The following TRIQK variants were observed in gnomAD, a reference collection of about 807,000 sequenced individuals.
TRIQK encodes triple QxxK/R motif containing.
In TRIQK, 10 loss-of-function variants were observed where a neutral mutation model predicts 10.8. That is an observed-to-expected ratio of 0.92 (90% confidence interval 0.57 to 1.57). TRIQK has a LOEUF of 1.57. TRIQK is among the 40% of genes most tolerant of loss of function. The pLI is 0.00. For missense variants in TRIQK, 107 were observed against 97.7 expected (o/e 1.09, Z -0.40); for synonymous variants, 33 against 33.7 (o/e 0.98, Z 0.07).
At chr8:92,989,655 A>G (rs1813076158) in intron 1 of TRIQK, among the ~76,000 whole-genome samples, 1 of 152,216 alleles carries the variant, frequency 6.6e-6, no homozygotes, top group Non-Finnish European at 1.5e-5. Context: ...ATGGTGAGTA[A>G]CATAATTATT....
intron 3 of TRIQK, among the ~76,000 whole-genome samples, chr8:92,906,964 A>G (rs1809301407): frequency 1.3e-5 from 2 of 152,112 alleles, no homozygotes; most frequent in Admixed American, 1.3e-4. Flanking sequence ...ATGTTTGGGT[A>G]GCTGTGGAGG....
At chr8:92,938,665 C>A (rs565047954) in intron 2 of TRIQK, among the ~76,000 whole-genome samples, 2 of 152,038 alleles carry the variant, frequency 1.3e-5, no homozygotes. Flanking sequence ...CATAACTAAC[C>A]GAGGCACTGT....
At chr8:92,989,364 AG>A (rs1444270500) in intron 1 of TRIQK, among the ~76,000 whole-genome samples, 6 of 152,188 alleles carry the variant, frequency 3.9e-5, no homozygotes, top group African/African-American at 1.4e-4. Context: ...GCTGCACAGC[AG>A]GAGGTGAGCA....
At chr8:93,008,107 G>A (rs1318589849) in intron 1 of TRIQK, among the ~76,000 whole-genome samples, 3 of 152,134 alleles carry the variant, frequency 2.0e-5, no homozygotes, top group African/African-American at 4.8e-5. Flanking sequence ...CTGGACATAG[G>A]AAAGAGAAGA....
At chr8:92,989,789 C>G (rs987046888) in intron 1 of TRIQK, among the ~76,000 whole-genome samples, 22 of 152,100 alleles carry the variant, frequency 1.4e-4, no homozygotes, top group Non-Finnish European at 3.1e-4. Flanking sequence ...CAAAGCTGGT[C>G]CCTGGTGCCA....
intron 4 of TRIQK, among the ~76,000 whole-genome samples, chr8:92,888,267 A>G (rs1219235018): frequency 6.6e-6 from 1 of 151,676 alleles, no homozygotes; most frequent in Non-Finnish European, 1.5e-5. Flanking sequence ...CATGATTCAT[A>G]TCTTATTGAT....
At chr8:92,976,804 G>GT (rs573063009) in intron 1 of TRIQK, among the ~76,000 whole-genome samples, 5 of 151,402 alleles carry the variant, frequency 3.3e-5, no homozygotes, top group South Asian at 2.1e-4. Flanking sequence ...CTTTTTAATG[G>GT]TTTTTTTGTG....
intron 1 of TRIQK, among the ~76,000 whole-genome samples, chr8:93,005,070 G>A (rs1352975225): frequency 7.1e-6 from 1 of 140,284 alleles, no homozygotes. Context: ...AGCAATGCCT[G>A]AATTCTCTGA....
At chr8:92,911,848 C>T (rs1028744350) in intron 3 of TRIQK, among the ~76,000 whole-genome samples, 6 of 148,422 alleles carry the variant, frequency 4.0e-5, no homozygotes, top group African/African-American at 1.5e-4. Flanking sequence ...TATCTACATA[C>T]ACAAGTATAT....
chr8:92,952,157 G>T (rs908494576), intron 2 of TRIQK, among the ~76,000 whole-genome samples: 3 of 151,678 alleles, frequency 2.0e-5, no homozygotes, highest in African/African-American at 7.3e-5. Context: ...TTATCAAACT[G>T]GAAACTTAAA....
chr8:92,989,299 G>T (rs542830271), intron 1 of TRIQK, among the ~76,000 whole-genome samples: 3 of 152,142 alleles, frequency 2.0e-5, no homozygotes, highest in Non-Finnish European at 4.4e-5. Flanking sequence ...TTAAGCAGGG[G>T]TTCTCATCCC....
intron 2 of TRIQK, among the ~76,000 whole-genome samples, chr8:92,939,653 A>T (rs1342230721): frequency 6.6e-6 from 1 of 152,072 alleles, no homozygotes; most frequent in Non-Finnish European, 1.5e-5. Context: ...CTGGGAAGGC[A>T]AGCAGTGTGG....
chr8:93,003,127 T>G (rs1281319969), intron 1 of TRIQK, among the ~76,000 whole-genome samples: 1 of 152,016 alleles, frequency 6.6e-6, no homozygotes, highest in Non-Finnish European at 1.5e-5. Context: ...CTATTTACTC[T>G]GATTATGTGG....
intron 2 of TRIQK, chr8:92,929,399 A>C (rs1461971254): frequency 2.0e-5 from 3 of 152,198 alleles, no homozygotes; most frequent in Non-Finnish European, 4.4e-5. Flanking sequence ...GTTTTTCCCA[A>C]AACCTAATAG....
chr8:92,982,068 AT>A (rs568180854), intron 1 of TRIQK, among the ~76,000 whole-genome samples: 174 of 151,900 alleles, frequency 1.1e-3, no homozygotes, highest in African/African-American at 3.9e-3. Flanking sequence ...TTTTCGAGAT[AT>A]CTAAAAATAA....
chr8:92,887,198 G>C (rs1391864292), intron 4 of TRIQK, among the ~76,000 whole-genome samples: 3 of 150,992 alleles, frequency 2.0e-5, no homozygotes, highest in Non-Finnish European at 4.4e-5. Context: ...TCATTGTAAA[G>C]AAACAGTTGT....
At chr8:93,006,442 G>T (rs1203531373) in intron 1 of TRIQK, among the ~76,000 whole-genome samples, 1 of 152,162 alleles carries the variant, frequency 6.6e-6, no homozygotes, top group South Asian at 2.1e-4. Flanking sequence ...TGCGACACAC[G>T]GATCAGGAGA....
intron 1 of TRIQK, among the ~76,000 whole-genome samples, chr8:92,958,660 G>T (rs960641873): frequency 6.6e-6 from 1 of 151,976 alleles, no homozygotes; most frequent in Admixed American, 6.6e-5. Flanking sequence ...AACAGATGCT[G>T]GGGTAAGTCA....
At chr8:93,017,204 A>G (rs900841624) in intron 1 of TRIQK, among the ~76,000 whole-genome samples, 1 of 150,124 alleles carries the variant, frequency 6.7e-6, no homozygotes, top group East Asian at 2.0e-4. Context: ...TCAGGAAGCT[A>G]TTGCTCTGGG....
Sources: allele counts gnomAD v4.1 joint callset (sites outside exome capture counted in the v4.1 genomes callset), GRCh38; gene constraint gnomAD v4.1.1; transcripts MANE v1.5; gene names NCBI Gene and HGNC (gene_info 2026-07-23, HGNC 2026-07-21).